GRB2: variants seen among roughly 807,000 people sequenced by gnomAD.
GRB2 encodes growth factor receptor-bound protein 2.
In GRB2, 2 loss-of-function variants were observed where a neutral mutation model predicts 27.4. The ratio of observed to expected loss-of-function variants is 0.07; its 90% CI spans 0.03 to 0.23. The LOEUF (loss-of-function observed/expected upper bound fraction) is 0.23, where lower values mean the gene tolerates loss of function less well. Among genes scored for constraint, GRB2 ranks in the 10% least tolerant of loss-of-function variants. GRB2 has a pLI of 1.00. For missense variants in GRB2, 102 were observed against 282.4 expected, an observed-to-expected ratio of 0.36 and a Z score of 4.58; for synonymous variants, 94 against 99.6, an observed-to-expected ratio of 0.94 and a Z score of 0.33.
chr17:75,358,916 A>AATAT (rs377204175), intron 2 of GRB2, among the ~76,000 whole-genome samples: 38 of 78,542 alleles, frequency 4.8e-4, no homozygotes, highest in East Asian at 1.8e-3. Flanking sequence ...TATATATATA[A>AATAT]ATATATATAT....
intron 2 of GRB2, among the ~76,000 whole-genome samples, chr17:75,364,896 T>C (rs2078809600): frequency 6.6e-6 from 1 of 151,520 alleles, no homozygotes; most frequent in Non-Finnish European, 1.5e-5. Flanking sequence ...AGGAAAAAAA[T>C]CTACTAACTA....
intron 2 of GRB2, among the ~76,000 whole-genome samples, chr17:75,339,920 C>T (rs6501776): frequency 0.59 from 90,251 of 151,736 alleles, 32,182 homozygotes; most frequent in East Asian, 0.87. Context: ...TTAGCCACGG[C>T]ACCTGGCCCT....
chr17:75,373,794 TGGTA>T, intron 2 of GRB2: 1 of 139,548 alleles, frequency 7.2e-6, no homozygotes, highest in East Asian at 2.2e-4. Flanking sequence ...ATCAAGGTAC[TGGTA>T]TTTTTTTTTT....
At chr17:75,345,030 T>G (rs1188195363) in intron 2 of GRB2, among the ~76,000 whole-genome samples, 1 of 151,930 alleles carries the variant, frequency 6.6e-6, no homozygotes, top group Non-Finnish European at 1.5e-5. Context: ...ACAGAGGTTT[T>G]TTTTTAAATT....
intron 1 of GRB2, among the ~76,000 whole-genome samples, chr17:75,400,568 G>A (rs1296213259): frequency 6.6e-6 from 1 of 151,246 alleles, no homozygotes; most frequent in African/African-American, 2.4e-5. Context: ...TCCACCTCCT[G>A]CGTTCAAGCG....
At chr17:75,396,293 A>C (rs1353282340) in intron 1 of GRB2, among the ~76,000 whole-genome samples, 5 of 151,826 alleles carry the variant, frequency 3.3e-5, no homozygotes. Context: ...TCCAGGCACG[A>C]GTGCAGTGGC....
At chr17:75,368,827 T>A (rs1043239600) in intron 2 of GRB2, among the ~76,000 whole-genome samples, 1 of 152,198 alleles carries the variant, frequency 6.6e-6, no homozygotes, top group African/African-American at 2.4e-5. Context: ...ATTATAGGTG[T>A]GAGCCACTGC....
chr17:75,363,581 C>T (rs1279944249), intron 2 of GRB2, among the ~76,000 whole-genome samples: 3 of 152,058 alleles, frequency 2.0e-5, no homozygotes, highest in Non-Finnish European at 4.4e-5. Flanking sequence ...ACTAGCGGGC[C>T]GGGCATGGTG....
intron 2 of GRB2, among the ~76,000 whole-genome samples, chr17:75,345,146 C>G (rs1031424196): frequency 3.9e-5 from 6 of 152,020 alleles, no homozygotes; most frequent in Non-Finnish European, 8.8e-5. Context: ...GGGTTCATCC[C>G]ATTCTCCTGC....
intron 2 of GRB2, among the ~76,000 whole-genome samples, chr17:75,388,037 T>C (rs1266157628): frequency 6.6e-6 from 1 of 152,118 alleles, no homozygotes; most frequent in Non-Finnish European, 1.5e-5. Context: ...ATGAATATAA[T>C]AAAAAGCAAG....
intron 2 of GRB2, chr17:75,372,338 A>C (rs923408388): frequency 6.6e-6 from 1 of 152,320 alleles, no homozygotes; most frequent in East Asian, 1.9e-4. Context: ...GTTCACAAGG[A>C]AAGGGAACAG....
chr17:75,333,973 T>C (rs1286652813), intron 2 of GRB2, among the ~76,000 whole-genome samples: 1 of 152,162 alleles, frequency 6.6e-6, no homozygotes, highest in Admixed American at 6.5e-5. Context: ...CCTCTTGAAT[T>C]GCATGTACCA....
intron 2 of GRB2, among the ~76,000 whole-genome samples, chr17:75,359,638 C>T (rs888214521): frequency 6.6e-6 from 1 of 152,090 alleles, no homozygotes; most frequent in Non-Finnish European, 1.5e-5. Context: ...CCTGTCATCT[C>T]CTGCCTTCCT....
chr17:75,328,983 A>G (rs1331621527), intron 3 of GRB2, among the ~76,000 whole-genome samples: 1 of 149,394 alleles, frequency 6.7e-6, no homozygotes, highest in African/African-American at 2.5e-5. Flanking sequence ...AAGGACACTT[A>G]ACGGTATTGA....
At chr17:75,354,694 C>T (rs2078719506) in intron 2 of GRB2, among the ~76,000 whole-genome samples, 1 of 152,148 alleles carries the variant, frequency 6.6e-6, no homozygotes, top group Non-Finnish European at 1.5e-5. Context: ...GAAGAGCCCA[C>T]TGCAGTCTTC....
At chr17:75,328,940 AAAAT>A (rs3047534) in intron 3 of GRB2, among the ~76,000 whole-genome samples, 14,723 of 147,050 alleles carry the variant, frequency 0.1, 843 homozygotes, top group African/African-American at 0.16. Context: ...TCGCTTTCAA[AAAAT>A]AAATAAATAA....
At chr17:75,401,234 A>T (rs928695545) in intron 1 of GRB2, among the ~76,000 whole-genome samples, 1 of 151,886 alleles carries the variant, frequency 6.6e-6, no homozygotes, top group Non-Finnish European at 1.5e-5. Flanking sequence ...TCACGAGGTC[A>T]GGAGATCGAG....
intron 2 of GRB2, among the ~76,000 whole-genome samples, chr17:75,355,303 T>C (rs1567865430): frequency 6.6e-6 from 1 of 152,196 alleles, no homozygotes; most frequent in Non-Finnish European, 1.5e-5. Flanking sequence ...CTCTCATCTC[T>C]GGGAGTGGGG....
At chr17:75,350,366 G>A (rs140802833) in intron 2 of GRB2, among the ~76,000 whole-genome samples, 1 of 152,316 alleles carries the variant, frequency 6.6e-6, no homozygotes, top group African/African-American at 2.4e-5. Context: ...AGCAGGGGAA[G>A]CCAAGTTCAC....
Sources: allele counts gnomAD v4.1 joint callset (sites outside exome capture counted in the v4.1 genomes callset), GRCh38; gene constraint gnomAD v4.1.1; transcripts MANE v1.5; gene names NCBI Gene and HGNC (gene_info 2026-07-23, HGNC 2026-07-21).